Variants in SH3RF1 observed in about 807,000 individuals in gnomAD.
SH3RF1 encodes SH3 domain containing ring finger 1.
Under a neutral mutation model 74.0 loss-of-function variants are expected in SH3RF1, and 32 were observed. That is an observed-to-expected ratio of 0.43 (90% CI 0.33 to 0.58). SH3RF1 has a LOEUF of 0.58. Among genes scored for constraint, SH3RF1 ranks in the 20% least tolerant of loss-of-function variants. The probability of loss-of-function intolerance (pLI) is 0.05; values close to 1 mark genes in which losing one functional copy is unlikely to be tolerated. For missense variants in SH3RF1, 954 were observed against 1,130.9 expected, an observed-to-expected ratio of 0.84 and a Z score of 2.24; for synonymous variants, 396 against 439.6, an observed-to-expected ratio of 0.90 and a Z score of 1.24.
At chr4:169,195,491 A>G (rs1337404750) in intron 2 of SH3RF1, among the ~76,000 whole-genome samples, 1 of 152,154 alleles carries the variant, frequency 6.6e-6, no homozygotes, top group Non-Finnish European at 1.5e-5. Flanking sequence ...CAAAGTTCCC[A>G]GCCATTTTCT....
chr4:169,129,623 T>C (rs1487224934), intron 6 of SH3RF1, among the ~76,000 whole-genome samples: 3 of 152,216 alleles, frequency 2.0e-5, no homozygotes, highest in Non-Finnish European at 2.9e-5. Flanking sequence ...AATGAATCTT[T>C]AATGTAGAGA....
At chr4:169,192,358 C>A (rs889981005) in intron 2 of SH3RF1, among the ~76,000 whole-genome samples, 2 of 151,696 alleles carry the variant, frequency 1.3e-5, no homozygotes, top group Non-Finnish European at 2.9e-5. Context: ...AGAAGATATA[C>A]AAATGGCCAA....
chr4:169,159,387 G>T (rs1237018786), intron 2 of SH3RF1, among the ~76,000 whole-genome samples: 4 of 152,168 alleles, frequency 2.6e-5, no homozygotes, highest in African/African-American at 9.7e-5. Flanking sequence ...GAGAGAGAGA[G>T]ATAGAGAGAG....
intron 2 of SH3RF1, among the ~76,000 whole-genome samples, chr4:169,181,974 T>G (rs936813084): frequency 6.6e-6 from 1 of 152,184 alleles, no homozygotes; most frequent in Admixed American, 6.5e-5. Context: ...CCCACCGAAA[T>G]GAAGAGAGAA....
chr4:169,112,446 G>T (rs1354452253), intron 10 of SH3RF1, among the ~76,000 whole-genome samples: 1 of 152,202 alleles, frequency 6.6e-6, no homozygotes, highest in Admixed American at 6.5e-5. Context: ...GAACTTCATA[G>T]TTTAAAAGAA....
chr4:169,120,950 A>G lies in SH3RF1; in HGVS notation c.1386T>C (p.Asp462=). 1 of 1,614,158 alleles carries G rather than the reference A, an allele frequency of 6.2e-7. No homozygotes were observed. The highest frequency in any genetic ancestry group is 8.5e-7 in the Non-Finnish European group (1 of 1,179,986). The change falls in exon 8 of 12, where the codon GAT becomes GAC. Residue 462 remains aspartate (D), a synonymous_variant. Coordinates refer to ENST00000284637, the MANE Select transcript of SH3RF1 (RefSeq NM_020870.4). ...AIYPYTPRKE[D]ELELRKGEMF... Reference sequence around the variant, plus strand: ...TCTCCCCTTTTCTCAGCTCTAGTTCATCCTCTTTCCGAGGAGTGTATGGAT... The same window carrying G: ...TCTCCCCTTTTCTCAGCTCTAGTTCGTCCTCTTTCCGAGGAGTGTATGGAT...
intron 7 of SH3RF1, among the ~76,000 whole-genome samples, chr4:169,121,394 C>G (rs573881006): frequency 3.9e-5 from 6 of 152,114 alleles, no homozygotes; most frequent in Non-Finnish European, 7.3e-5. Flanking sequence ...GTATGAAATC[C>G]CACTGGGAAG....
At chr4:169,249,868 AG>A (rs1731070211) in intron 2 of SH3RF1, among the ~76,000 whole-genome samples, 1 of 152,250 alleles carries the variant, frequency 6.6e-6, no homozygotes, top group African/African-American at 2.4e-5. Context: ...TGATTATATT[AG>A]AAAAAGGAAA....
intron 2 of SH3RF1, among the ~76,000 whole-genome samples, chr4:169,190,100 C>T (rs1734674597): frequency 6.6e-6 from 1 of 152,066 alleles, no homozygotes; most frequent in African/African-American, 2.4e-5. Context: ...AGTTCATAGC[C>T]CTAAACGCCT....
chr4:169,227,853 C>T (rs1206373443), intron 2 of SH3RF1, among the ~76,000 whole-genome samples: 5 of 152,100 alleles, frequency 3.3e-5, no homozygotes, highest in Non-Finnish European at 5.9e-5. Context: ...TCCCTGGACA[C>T]GAGAACAGAG....
At chr4:169,191,873 C>G (rs186942645) in intron 2 of SH3RF1, among the ~76,000 whole-genome samples, 1 of 152,228 alleles carries the variant, frequency 6.6e-6, no homozygotes, top group East Asian at 1.9e-4. Context: ...CACCTCTCAC[C>G]TTATACACAA....
intron 2 of SH3RF1, among the ~76,000 whole-genome samples, chr4:169,257,013 A>G (rs1295334314): frequency 1.3e-5 from 2 of 152,260 alleles, no homozygotes; most frequent in Non-Finnish European, 2.9e-5. Flanking sequence ...GGTCTTGGGC[A>G]TTTGAGATTC....
intron 10 of SH3RF1, among the ~76,000 whole-genome samples, chr4:169,109,943 T>C (rs1338940147): frequency 6.6e-6 from 1 of 151,094 alleles, no homozygotes; most frequent in Non-Finnish European, 1.5e-5. Context: ...AGCCTGGAGG[T>C]TGAAGTTGCA....
intron 2 of SH3RF1, among the ~76,000 whole-genome samples, chr4:169,182,701 G>T (rs917010105): frequency 1.3e-5 from 2 of 152,046 alleles, no homozygotes; most frequent in Non-Finnish European, 2.9e-5. Flanking sequence ...TTCATAGCAG[G>T]CTTTATTGCA....
At chr4:169,159,661 T>C (rs1225483758) in intron 2 of SH3RF1, among the ~76,000 whole-genome samples, 1 of 152,222 alleles carries the variant, frequency 6.6e-6, no homozygotes, top group Non-Finnish European at 1.5e-5. Context: ...ATGCTACATG[T>C]GTGAACCATC....
At chr4:169,125,375 T>C (rs1733508126) in intron 6 of SH3RF1, among the ~76,000 whole-genome samples, 1 of 152,106 alleles carries the variant, frequency 6.6e-6, no homozygotes, top group African/African-American at 2.4e-5. Flanking sequence ...TTCAAGTATA[T>C]GGGTGTGAAA....
intron 2 of SH3RF1, among the ~76,000 whole-genome samples, chr4:169,227,036 C>T (rs952468719): frequency 3.3e-5 from 5 of 151,874 alleles, no homozygotes; most frequent in Non-Finnish European, 5.9e-5. Context: ...CGTCGGGGCA[C>T]AAATCTCTAG....
At chr4:169,149,824 G>A (rs947803198) in intron 4 of SH3RF1, among the ~76,000 whole-genome samples, 1 of 152,078 alleles carries the variant, frequency 6.6e-6, no homozygotes, top group Non-Finnish European at 1.5e-5. Context: ...TAGATCAAAG[G>A]TTATTATTGT....
At chr4:169,248,460 G>A (rs568748937) in intron 2 of SH3RF1, among the ~76,000 whole-genome samples, 1 of 152,188 alleles carries the variant, frequency 6.6e-6, no homozygotes, top group South Asian at 2.1e-4. Flanking sequence ...ATACAGGGAG[G>A]GGAACATCAC....
Sources: allele counts gnomAD v4.1 joint callset (sites outside exome capture counted in the v4.1 genomes callset), GRCh38; gene constraint gnomAD v4.1.1; transcripts MANE v1.5; gene names NCBI Gene and HGNC (gene_info 2026-07-23, HGNC 2026-07-21).